Variants in SGO2 observed in about 807,000 individuals in gnomAD.
The protein encoded by SGO2 is shugoshin 2.
Under a neutral mutation model 99.5 loss-of-function variants are expected in SGO2, and 68 were observed. The ratio of observed to expected loss-of-function variants is 0.68; its 90% CI spans 0.56 to 0.84. The LOEUF is 0.84. Ranked by LOEUF, SGO2 falls within the 40% of genes least tolerant of loss-of-function variation. SGO2 has a pLI of 0.00. For missense variants in SGO2, 1,350 were observed against 1,436.7 expected (o/e 0.94, Z 0.97); for synonymous variants, 457 against 487.1 (o/e 0.94, Z 0.81).
At chr2:200,544,956 A>G (rs772227900) in intron 5 of SGO2, among the ~76,000 whole-genome samples, 2 of 151,850 alleles carry the variant, frequency 1.3e-5, no homozygotes, top group Non-Finnish European at 2.9e-5. Flanking sequence ...ATCTTTTCAT[A>G]TGTTTACTTT....
intron 5 of SGO2, among the ~76,000 whole-genome samples, chr2:200,552,955 G>A (rs952853561): frequency 5.3e-5 from 8 of 151,888 alleles, no homozygotes; most frequent in East Asian, 1.9e-4. Context: ...GCACCCCCCC[G>A]CCCCCTTTTA....
intron 3 of SGO2, 43 bp downstream of exon 3, chr2:200,535,214 A>G: frequency 1.4e-6 from 2 of 1,384,276 alleles, no homozygotes; most frequent in Non-Finnish European, 1.9e-6. Context: ...TATAACTTAA[A>G]TCTTTTAGCT....
rs1227213436 is a variant in SGO2, at chr2:200,572,917, A to T, written c.2571A>T (p.Gln857His). Residue 857 changes from glutamine (Q) to histidine (H), a missense_variant, in exon 7 of 9, where the codon CAA (glutamine) becomes CAT (histidine). Gln to His is a conservative substitution (Grantham distance 24). Transcript: ENST00000357799. ...KDKETISENL[Q>H]VTNEFQTVDL... ...AAGAAACAATTTCTGAAAATCTACAAGTCACAAATGAATTTCAAACAGTTG... is the reference window on the plus strand; with the variant it reads ...AAGAAACAATTTCTGAAAATCTACATGTCACAAATGAATTTCAAACAGTTG... 1 of 1,594,900 alleles carries T rather than the reference A, an allele frequency of 6.3e-7. No homozygotes were observed. The highest frequency in any genetic ancestry group is 8.5e-7 in the Non-Finnish European group (1 of 1,174,132).
intron 5 of SGO2, among the ~76,000 whole-genome samples, chr2:200,558,084 G>C (rs1477902873): frequency 6.6e-6 from 1 of 151,916 alleles, no homozygotes; most frequent in Non-Finnish European, 1.5e-5. Flanking sequence ...GGGTGGTCTC[G>C]ATCTCTTGAA....
Position 200,578,177 on chromosome 2 carries a change from T to TAGATATAGATATAGATATAGATAC in SGO2, c.3782+2723_3782+2724insGATATAGATATAGATACAGATATA, listed in dbSNP as rs1173463727. 1.5e-3 allele frequency among the ~76,000 whole-genome samples: 226 copies of TAGATATAGATATAGATATAGATAC among 152,052 alleles called. 2 individuals are homozygous for TAGATATAGATATAGATATAGATAC. Among genetic ancestry groups the TAGATATAGATATAGATATAGATAC allele is most frequent in the East Asian group, 0.014 (71 of 5,178 alleles). ...ATAGATATAGATATAGATATAGATA[T>TAGATATAGATATAGATATAGATAC]AGATATATATCGTGGGTATCTCTTT... On this transcript the variant is annotated intron_variant, in intron 8 of 8. Transcript: ENST00000357799.
chr2:200,541,717 G>C (rs994928504), intron 4 of SGO2, among the ~76,000 whole-genome samples: 1 of 152,168 alleles, frequency 6.6e-6, no homozygotes, highest in African/African-American at 2.4e-5. Context: ...TTAACACTGG[G>C]CTGTCCCAAG....
chr2:200,528,042 G>T (rs756631934), intron 1 of SGO2, among the ~76,000 whole-genome samples: 3 of 152,236 alleles, frequency 2.0e-5, no homozygotes, highest in Non-Finnish European at 4.4e-5. Flanking sequence ...TTTAGAGCAT[G>T]TCAAGGTAGG....
chr2:200,554,508 CA>C (rs548778865), intron 5 of SGO2, among the ~76,000 whole-genome samples: 2 of 152,268 alleles, frequency 1.3e-5, no homozygotes, highest in South Asian at 4.1e-4. Flanking sequence ...TAAAACAAGA[CA>C]ATTGTCTGTA....
chr2:200,554,223 T>G (rs1329974341), intron 5 of SGO2, among the ~76,000 whole-genome samples: 1 of 152,146 alleles, frequency 6.6e-6, no homozygotes, highest in Non-Finnish European at 1.5e-5. Flanking sequence ...AAGCTGTAAA[T>G]AGCTCAAAAG....
intron 5 of SGO2, among the ~76,000 whole-genome samples, chr2:200,566,576 G>C (rs115810553): frequency 0.011 from 1,688 of 152,296 alleles, 37 homozygotes; most frequent in African/African-American, 0.038. Context: ...TGGGCTGGGG[G>C]AACGACTATT....
chr2:200,568,858 G>A (rs1431951770), intron 5 of SGO2, among the ~76,000 whole-genome samples: 1 of 151,950 alleles, frequency 6.6e-6, no homozygotes, highest in Non-Finnish European at 1.5e-5. Flanking sequence ...TGTTAGGTAG[G>A]GTTGGTCTGA....
intron 4 of SGO2, among the ~76,000 whole-genome samples, chr2:200,541,047 T>G (rs996780536): frequency 6.6e-6 from 1 of 152,082 alleles, no homozygotes; most frequent in Non-Finnish European, 1.5e-5. Context: ...CAAGAAAGCA[T>G]GCAAGACAGA....
chr2:200,533,335 G>T, intron 2 of SGO2: 1 of 347,854 alleles, frequency 2.9e-6, no homozygotes, highest in Non-Finnish European at 5.1e-6. Flanking sequence ...CAGTGAGGCT[G>T]CAGTGACCCA....
chr2:200,534,644 T>C (rs1006874043), intron 2 of SGO2, among the ~76,000 whole-genome samples: 4 of 152,208 alleles, frequency 2.6e-5, no homozygotes, highest in African/African-American at 9.6e-5. Context: ...CTCCATTCTG[T>C]CTGCTAGTCA....
rs568347003 is a variant in SGO2 at position 200,557,392 on chromosome 2, A to G, written c.474-12271A>G. Among the ~76,000 whole-genome samples, 482 of 152,126 alleles carry G rather than the reference A, an allele frequency of 3.2e-3. 8 individuals are homozygous for G. The highest frequency in any genetic ancestry group is 2.1e-3 in the Non-Finnish European group (145 of 67,990). On this transcript the variant is annotated intron_variant, in intron 5 of 8. Transcript: ENST00000357799. ...TACCTGGGCACCCCACCACTTACCC[A>G]AAGTTGGCCAATTGGTGCTGCAGTC...
chr2:200,533,065 G>A lies in SGO2; in HGVS notation c.90G>A (p.Lys30=). 1.3e-6 allele frequency: 2 copies of A among 1,595,952 alleles called. No homozygotes were observed. The highest frequency in any genetic ancestry group is 1.7e-6 in the Non-Finnish European group (2 of 1,175,072). ...LKDKRISKTT[K]LNVSLASKIK... ...ACAAAAGAATTTCAAAGACTACTAAGTTGAATGTTTCTCTTGCTTCAAAAA... is the reference window on the plus strand; with the variant it reads ...ACAAAAGAATTTCAAAGACTACTAAATTGAATGTTTCTCTTGCTTCAAAAA... Residue 30 remains lysine, a synonymous_variant, in exon 2 of 9, where the codon AAG becomes AAA. Transcript: ENST00000357799.
intron 5 of SGO2, among the ~76,000 whole-genome samples, chr2:200,567,123 C>T (rs1232239457): frequency 6.6e-6 from 1 of 152,214 alleles, no homozygotes; most frequent in African/African-American, 2.4e-5. Context: ...CCTGGTACCT[C>T]AGTTGGAAAT....
chr2:200,533,301 AGT>A (rs2031511273), intron 2 of SGO2, 193 bp downstream of exon 2: 1 of 457,156 alleles, frequency 2.2e-6, no homozygotes, highest in Non-Finnish European at 3.7e-6. Flanking sequence ...ATTTACCCTA[AGT>A]GTGACACAGT....
At chr2:200,577,986 A>G (rs2033719133) in intron 8 of SGO2, among the ~76,000 whole-genome samples, 1 of 151,944 alleles carries the variant, frequency 6.6e-6, no homozygotes, top group Non-Finnish European at 1.5e-5. Flanking sequence ...AGATACTTTG[A>G]GTCTATATAT....
Sources: allele counts gnomAD v4.1 joint callset (sites outside exome capture counted in the v4.1 genomes callset), GRCh38; gene constraint gnomAD v4.1.1; transcripts MANE v1.5; gene names NCBI Gene and HGNC (gene_info 2026-07-23, HGNC 2026-07-21).